SECISBP2: variants seen among roughly 807,000 people sequenced by gnomAD.
SECISBP2 encodes the protein SECIS binding protein 2, also known as selenocysteine insertion sequence-binding protein 2.
Under a neutral mutation model 98.2 loss-of-function variants are expected in SECISBP2, and 96 were observed. The observed-to-expected ratio is 0.98, with a 90% CI of 0.83 to 1.16. The LOEUF is 1.16. Among genes scored for constraint, SECISBP2 ranks in the 50% most tolerant of loss-of-function variants. The pLI, the probability that SECISBP2 is intolerant of heterozygous loss-of-function variation, is 0.00. For missense variants in SECISBP2, 1,046 were observed against 1,022.9 expected (o/e 1.02, Z -0.31); for synonymous variants, 407 against 370.2 (o/e 1.10, Z -1.14).
intron 14 of SECISBP2, among the ~76,000 whole-genome samples, chr9:89,352,376 G>T (rs937070578): frequency 6.6e-6 from 1 of 151,962 alleles, no homozygotes; most frequent in African/African-American, 2.4e-5. Flanking sequence ...TTCTTCTTGG[G>T]CTGCACTCTT....
At chr9:89,342,280 A>G (rs1829765183) in intron 10 of SECISBP2, among the ~76,000 whole-genome samples, 1 of 152,202 alleles carries the variant, frequency 6.6e-6, no homozygotes, top group African/African-American at 2.4e-5. Context: ...AAAAACAGAA[A>G]ATAACAGGTG....
chr9:89,331,081 A>G (rs1198090052), intron 5 of SECISBP2, among the ~76,000 whole-genome samples: 1 of 152,214 alleles, frequency 6.6e-6, no homozygotes, highest in South Asian at 2.1e-4. Flanking sequence ...ATGACAAAAA[A>G]TATATATATT....
chr9:89,332,527 A>C (rs950405022), intron 5 of SECISBP2: 6 of 269,662 alleles, frequency 2.2e-5, no homozygotes, highest in Non-Finnish European at 4.3e-5. Context: ...TTGTCTCCAC[A>C]GTTTTGTCTT....
At position 89,358,934 on chromosome 9, in the gene SECISBP2, T is replaced by C. The variant is rs1309955853; in HGVS notation, c.*110T>C. 15 of 749,380 alleles carry C rather than the reference T, an allele frequency of 2.0e-5. 1 individual carries two copies. The East Asian group carries it at 4.0e-4, about 20-fold the overall frequency. 46.4% of individuals were successfully genotyped at this position (749,380 alleles called of 1,614,324 possible). A position where few individuals can be genotyped will look rare whatever the true frequency, so the allele number is the denominator to read the frequency against. ...CAATGTAATTTGTGTAACTGTTGAA[T>C]CTGGAAATTGATCAGCATTAAAGGG... On this transcript the variant is annotated 3_prime_UTR_variant, in exon 17 of 17. Transcript: ENST00000375807.
At chr9:89,345,569 TC>T (rs1331193946) in intron 10 of SECISBP2, among the ~76,000 whole-genome samples, 15 of 152,182 alleles carry the variant, frequency 9.9e-5, no homozygotes, top group Admixed American at 4.6e-4. Flanking sequence ...CTGTTGAACT[TC>T]GTGGTTGTTT....
downstream of SECISBP2, chr9:89,361,980 A>T: frequency 3.8e-6 from 1 of 264,400 alleles, no homozygotes; most frequent in South Asian, 6.4e-5. Context: ...CCTGTTGGCT[A>T]TTAGGGGGTG....
At position 89,332,813 on chromosome 9, in the gene SECISBP2, T is replaced by G; in HGVS notation, c.802-95T>G. The G allele has an allele frequency of 3.1e-6, 3 of 970,526 alleles. No individual in the cohort carries two copies. In the South Asian group the frequency reaches 4.0e-5, roughly 13 times the overall value. The allele number at this position is 970,526 out of a possible 1,614,324, so 60.1% of individuals were successfully genotyped here. On this transcript the variant is annotated intron_variant, in intron 5 of 16. Transcript: ENST00000375807. ...TTCTTACCAGCAATGGATAAGGATTTCTGTTGTCAAAGTGTTCTGGATTTT... is the reference window on the plus strand; with the variant it reads ...TTCTTACCAGCAATGGATAAGGATTGCTGTTGTCAAAGTGTTCTGGATTTT...
Position 89,349,841 on chromosome 9 carries a change from G to A in SECISBP2, c.1804G>A (p.Gly602Ser), listed in dbSNP as rs754665132. 2 of 1,614,088 alleles carry A rather than the reference G, an allele frequency of 1.2e-6. No homozygotes were observed. The highest frequency in any genetic ancestry group is 2.7e-5 in the African/African-American group (2 of 74,924). ...SVEDKSEEPP[G>S]TELQRDTEAS... ...TGAGGACAAGTCTGAAGAGCCACCA[G>A]GCACAGAGCTCCAGAGGGACACAGA... The change falls in exon 13 of 17, where the codon GGC becomes AGC. Residue 602 changes from glycine (G) to serine (S), a missense_variant. By Grantham distance (56) the Gly-to-Ser change is moderately conservative (BLOSUM62 0). Coordinates refer to ENST00000375807, the MANE Select transcript of SECISBP2 (RefSeq NM_024077.5).
chr9:89,352,686 C>T (rs1044218898), intron 14 of SECISBP2, among the ~76,000 whole-genome samples: 1 of 152,148 alleles, frequency 6.6e-6, no homozygotes, highest in African/African-American at 2.4e-5. Context: ...CTGGTGTCCT[C>T]ACATTATTTG....
chr9:89,347,978 C>CT, intron 11 of SECISBP2, 101 bp from the exon 12 acceptor site: 1 of 1,156,978 alleles, frequency 8.6e-7, no homozygotes, highest in Non-Finnish European at 1.3e-6. Context: ...CACTAAGAGG[C>CT]ACATTGCCAA....
downstream of SECISBP2, chr9:89,362,334 T>A: frequency 6.2e-7 from 1 of 1,613,530 alleles, no homozygotes. Flanking sequence ...TCTCCGGGGG[T>A]GGCTGTGGTC....
rs202003139 is a variant in SECISBP2 at position 89,358,835 on chromosome 9, C to T, written c.*11C>T. On this transcript the variant is annotated 3_prime_UTR_variant, in exon 17 of 17. Transcript: ENST00000375807. ...AATTTGAATTTATGAGAGTTCTTGCCTGTGTGTCTGTATTTTGGGTAAGGA... is the reference window on the plus strand; with the variant it reads ...AATTTGAATTTATGAGAGTTCTTGCTTGTGTGTCTGTATTTTGGGTAAGGA... The T allele has an allele frequency of 6.4e-7, 1 of 1,568,134 alleles. No individual in the cohort carries two copies. Among genetic ancestry groups the T allele is most frequent in the Non-Finnish European group, 8.8e-7 (1 of 1,138,766 alleles).
downstream of SECISBP2, chr9:89,362,303 C>A (rs1250647685): frequency 6.2e-7 from 1 of 1,603,728 alleles, no homozygotes; most frequent in African/African-American, 1.3e-5. Flanking sequence ...AGACAGTTCA[C>A]AGTTGTGGGG....
At chr9:89,354,917 G>C (rs887624872) in intron 14 of SECISBP2, 10 of 985,282 alleles carry the variant, frequency 1.0e-5, no homozygotes, top group Admixed American at 1.2e-4. Context: ...GTATACCTCA[G>C]GAATACGGAA....
intron 5 of SECISBP2, 161 bp from the exon 6 acceptor site, chr9:89,332,746 TA>T: frequency 1.5e-6 from 1 of 663,832 alleles, no homozygotes; most frequent in Non-Finnish European, 2.7e-6. Flanking sequence ...AAGGAATTGC[TA>T]AACTATTAAA....
rs926971716 is a variant in SECISBP2, at chr9:89,318,901, G to T, written c.36+289G>T. ...CCCGGCGCTCCCCGCAGTCGGGGCG[G>T]GGGGACTCTGGCGAGCTTCCCGCGC... is the stretch of plus-strand genomic sequence containing the variant. On this transcript the variant is annotated intron_variant, in intron 1 of 16. Transcript: ENST00000375807. 4.0e-6 allele frequency: 5 copies of T among 1,237,378 alleles called. No individual in the cohort carries two copies. In the East Asian group the frequency reaches 1.0e-4, roughly 25 times the overall value. 76.6% of individuals were successfully genotyped at this position (1,237,378 alleles called of 1,614,324 possible). A position where few individuals can be genotyped will look rare whatever the true frequency, so the allele number is the denominator to read the frequency against.
rs764854208 is a variant in SECISBP2, at chr9:89,325,950, A to G, written c.486A>G (p.Glu162=). 1.2e-6 allele frequency: 2 copies of G among 1,614,090 alleles called. No individual in the cohort carries two copies. Among genetic ancestry groups the G allele is most frequent in the Non-Finnish European group, 1.7e-6 (2 of 1,179,996 alleles). Residue 162 remains glutamate (E), a synonymous_variant, in exon 4 of 17, where the codon GAA becomes GAG. Coordinates refer to ENST00000375807, the MANE Select transcript of SECISBP2 (RefSeq NM_024077.5). ...ATGATCAGCAAAAGTTTGACAGTGA[A>G]AGGGCTGATGGAACTATATCATCTG... ...KTYDQQKFDS[E]RADGTISSEI...
At chr9:89,344,095 G>A (rs1243297660) in intron 10 of SECISBP2, among the ~76,000 whole-genome samples, 1 of 152,176 alleles carries the variant, frequency 6.6e-6, no homozygotes, top group Non-Finnish European at 1.5e-5. Context: ...TTTCTCGTAT[G>A]CTTGTTGGCC....
At chr9:89,363,936 G>A (rs753815511), downstream of SECISBP2, 42 of 1,613,962 alleles carry the variant, frequency 2.6e-5, no homozygotes, top group Middle Eastern at 1.6e-4. Flanking sequence ...CAGACAAAGC[G>A]AATGTCTGCA....
Sources: gnomAD v4.1 joint callset for allele counts (sites outside exome capture counted in the v4.1 genomes callset) on GRCh38, gnomAD v4.1.1 for gene constraint, MANE v1.5 for transcripts, NCBI Gene and HGNC (gene_info 2026-07-23, HGNC 2026-07-21) for gene names.